SIRT1: variants seen among roughly 807,000 people sequenced by gnomAD.
The protein encoded by SIRT1 is sirtuin 1.
SIRT1 carries 24 observed loss-of-function variants against 67.9 expected under a neutral mutation model. The ratio of observed to expected loss-of-function variants is 0.35; its 90% CI spans 0.26 to 0.50. The LOEUF (loss-of-function observed/expected upper bound fraction) is 0.50, where lower values mean the gene tolerates loss of function less well. Ranked by LOEUF, SIRT1 falls within the 20% of genes least tolerant of loss-of-function variation. SIRT1 has a pLI of 0.98. For missense variants in SIRT1, 873 were observed against 937.2 expected (o/e 0.93, Z 0.89); for synonymous variants, 378 against 350.7 (o/e 1.08, Z -0.87).
chr10:67,910,646 G>C (rs1433113401), intron 7 of SIRT1, among the ~76,000 whole-genome samples: 1 of 152,070 alleles, frequency 6.6e-6, no homozygotes, highest in East Asian at 1.9e-4. Context: ...TGGAATTTGG[G>C]GGCTCAGAAT....
At chr10:67,902,271 G>A (rs1842756312) in intron 4 of SIRT1, among the ~76,000 whole-genome samples, 1 of 152,196 alleles carries the variant, frequency 6.6e-6, no homozygotes, top group Non-Finnish European at 1.5e-5. Context: ...TTACAGGCGT[G>A]AGCCACCGCG....
chr10:67,889,226 A>C (rs2131849064), intron 3 of SIRT1, 103 bp downstream of exon 3: 1 of 1,327,324 alleles, frequency 7.5e-7, no homozygotes, highest in African/African-American at 1.5e-5. Context: ...CTTACATGAT[A>C]ATGGATGTTT....
intron 2 of SIRT1, among the ~76,000 whole-genome samples, chr10:67,887,939 T>G (rs1175858303): frequency 2.6e-5 from 4 of 152,228 alleles, no homozygotes; most frequent in Admixed American, 2.0e-4. Flanking sequence ...CCTCACTTCA[T>G]ATTCCTTGTT....
intron 7 of SIRT1, among the ~76,000 whole-genome samples, chr10:67,911,665 TTC>T (rs952875228): frequency 8.6e-6 from 1 of 116,608 alleles, no homozygotes; most frequent in Non-Finnish European, 1.7e-5. Flanking sequence ...TCATCCTTCC[TTC>T]TGTTAGTCCT....
At chr10:67,895,411 A>G (rs937363356) in intron 4 of SIRT1, among the ~76,000 whole-genome samples, 2 of 152,168 alleles carry the variant, frequency 1.3e-5, no homozygotes, top group African/African-American at 4.8e-5. Flanking sequence ...CAAAGAGTGC[A>G]GGATAGTATC....
intron 4 of SIRT1, among the ~76,000 whole-genome samples, chr10:67,896,821 C>G (rs1842666092): frequency 1.3e-5 from 2 of 151,590 alleles, no homozygotes; most frequent in South Asian, 4.2e-4. Context: ...GTATCCCCAC[C>G]CCAAGTCCTG....
intron 8 of SIRT1, among the ~76,000 whole-genome samples, chr10:67,915,185 T>G (rs544236571): frequency 1.4e-4 from 21 of 152,236 alleles, no homozygotes; most frequent in African/African-American, 4.1e-4. Context: ...CATGATGCAG[T>G]ATGAAAAAGT....
At chr10:67,916,149 C>T in intron 8 of SIRT1, 116 bp from the exon 9 acceptor site, 1 of 910,062 alleles carries the variant, frequency 1.1e-6, no homozygotes, top group Admixed American at 2.8e-5. Flanking sequence ...TAATAGTAGT[C>T]TTTCATAAGG....
At position 67,916,489 on chromosome 10, in the gene SIRT1, G is replaced by A. The variant is rs1374102040; in HGVS notation, c.2140G>A (p.Gly714Arg). ...GCCTGATGTTCCAGAGAGAGCTGGAGGAGCTGGATTTGGGACTGATGGAGA... is the reference window on the plus strand; with the variant it reads ...GCCTGATGTTCCAGAGAGAGCTGGAAGAGCTGGATTTGGGACTGATGGAGA... Reference protein sequence around the residue: ...DEPDVPERAGGAGFGTDGDDQ... With the variant: ...DEPDVPERAGRAGFGTDGDDQ... Residue 714 changes from glycine (G) to arginine (R), a missense_variant, in exon 9 of 9, where the codon GGA becomes AGA. Transcript: ENST00000212015. 5 of 1,614,166 alleles carry A rather than the reference G, an allele frequency of 3.1e-6. No homozygotes were observed. The highest frequency in any genetic ancestry group is 4.2e-6 in the Non-Finnish European group (5 of 1,180,018).
intron 3 of SIRT1, among the ~76,000 whole-genome samples, chr10:67,890,738 A>G (rs1253083332): frequency 6.6e-6 from 1 of 151,856 alleles, no homozygotes; most frequent in South Asian, 2.1e-4. Flanking sequence ...CTAAAAAGAA[A>G]AAAAACAAAA....
chr10:67,895,336 T>C (rs1421036786), intron 4 of SIRT1, among the ~76,000 whole-genome samples: 12 of 152,054 alleles, frequency 7.9e-5, no homozygotes, highest in Non-Finnish European at 2.9e-5. Flanking sequence ...ACGGGGAGAA[T>C]TGCTTGAAGC....
intron 4 of SIRT1, 121 bp downstream of exon 4, chr10:67,891,675 G>A (rs976488542): frequency 3.8e-5 from 36 of 953,698 alleles, no homozygotes; most frequent in African/African-American, 5.0e-5. Flanking sequence ...CTACTGTGGC[G>A]GAGTAAGATC....
rs761406151 is a variant in SIRT1 at position 67,916,532 on chromosome 10, A to G, written c.2183A>G (p.Asn728Ser). ...GTDGDDQEAI[N>S]EAISVKQEVT... ...GATGGAGATGATCAAGAGGCAATTAATGAAGCTATATCTGTGAAACAGGAA... is the reference window on the plus strand; with the variant it reads ...GATGGAGATGATCAAGAGGCAATTAGTGAAGCTATATCTGTGAAACAGGAA... The change falls in exon 9 of 9, where the codon AAT becomes AGT. Residue 728 changes from asparagine to serine, a missense_variant. Transcript: ENST00000212015. The G allele has an allele frequency of 6.2e-7, 1 of 1,614,198 alleles. No individual in the cohort carries two copies.
chr10:67,916,790 C>CT lies in SIRT1; in HGVS notation c.*209dup, dbSNP rs61666042. The CT allele has an allele frequency of 0.42, 114,151 of 272,266 alleles. 21,265 individuals are homozygous for CT. The highest frequency in any genetic ancestry group is 0.51 in the Non-Finnish European group (75,781 of 147,418). The allele number at this position is 272,266 out of a possible 1,614,324, so 16.9% of individuals were successfully genotyped here. ...TGTACTTGTACAAACTCAACACTAA[C>CT]TTTTTTTTTTTTAAAAAAAAAAAGG... On this transcript the variant is annotated 3_prime_UTR_variant, in exon 9 of 9. Coordinates refer to ENST00000212015, the MANE Select transcript of SIRT1 (RefSeq NM_012238.5).
chr10:67,912,410 T>G, intron 7 of SIRT1, 64 bp from the exon 8 acceptor site: 1 of 1,405,798 alleles, frequency 7.1e-7, no homozygotes, highest in South Asian at 1.4e-5. Context: ...AATGTATCTG[T>G]TGTGGTTTTA....
chr10:67,901,540 G>T (rs1283723246), intron 4 of SIRT1, among the ~76,000 whole-genome samples: 2 of 152,124 alleles, frequency 1.3e-5, no homozygotes, highest in African/African-American at 4.8e-5. Flanking sequence ...GACTGCATAG[G>T]GTCTCTGTCA....
rs1564883298 is a variant in SIRT1 at position 67,889,222 on chromosome 10, T to G, written c.789+99T>G. On this transcript the variant is annotated intron_variant, in intron 3 of 8. Transcript: ENST00000212015. Reference sequence around the variant, plus strand: ...TGGTTTAGAAGGATTTATCCTTACATGATAATGGATGTTTGGGAACTGCCA... The same window carrying G: ...TGGTTTAGAAGGATTTATCCTTACAGGATAATGGATGTTTGGGAACTGCCA... 43 of 1,316,106 alleles carry G rather than the reference T, an allele frequency of 3.3e-5. No homozygotes were observed. The South Asian group carries it at 6.9e-4, about 21-fold the overall frequency. 81.5% of individuals were successfully genotyped at this position (1,316,106 alleles called of 1,614,324 possible).
At chr10:67,903,545 A>C (rs1236993278) in intron 4 of SIRT1, among the ~76,000 whole-genome samples, 1 of 151,964 alleles carries the variant, frequency 6.6e-6, no homozygotes, top group Non-Finnish European at 1.5e-5. Context: ...CACCATGCCC[A>C]GCTAATTTTT....
At chr10:67,897,980 CTGT>C (rs1842684731) in intron 4 of SIRT1, among the ~76,000 whole-genome samples, 1 of 111,194 alleles carries the variant, frequency 9.0e-6, no homozygotes, top group South Asian at 3.1e-4. Flanking sequence ...TTAAGTAGGA[CTGT>C]TGTTCGGCTG....
Sources: gnomAD v4.1 joint callset for allele counts (sites outside exome capture counted in the v4.1 genomes callset) on GRCh38, gnomAD v4.1.1 for gene constraint, MANE v1.5 for transcripts, NCBI Gene and HGNC (gene_info 2026-07-23, HGNC 2026-07-21) for gene names.